The following CAND2 variants were observed in gnomAD, a reference collection of about 807,000 sequenced individuals.
CAND2 encodes the protein cullin-associated NEDD8-dissociated protein 2.
CAND2 carries 62 observed loss-of-function variants against 98.9 expected under a neutral mutation model. The ratio of observed to expected loss-of-function variants is 0.63; its 90% confidence interval spans 0.51 to 0.77. The LOEUF (loss-of-function observed/expected upper bound fraction) is 0.77, where lower values mean the gene tolerates loss of function less well. Ranked by LOEUF, CAND2 falls within the 30% of genes least tolerant of loss-of-function variation. The pLI, the probability that CAND2 is intolerant of heterozygous loss-of-function variation, is 0.00. For missense variants in CAND2, 1,501 were observed against 1,655.2 expected, an observed-to-expected ratio of 0.91 and a Z score of 1.62; for synonymous variants, 770 against 731.9, an observed-to-expected ratio of 1.05 and a Z score of -0.84.
chr3:12,822,287 C>T (rs2061962393), intron 11 of CAND2, among the ~76,000 whole-genome samples: 1 of 143,750 alleles, frequency 7.0e-6, no homozygotes, highest in South Asian at 2.1e-4. Flanking sequence ...TTTTTATTGA[C>T]ATGTTTCAAT....
chr3:12,816,798 G>C lies in CAND2; in HGVS notation c.1866G>C (p.Arg622=), dbSNP rs886544996. The C allele has an allele frequency of 1.5e-5, 25 of 1,613,652 alleles. No individual in the cohort carries two copies. Among genetic ancestry groups the C allele is most frequent in the Non-Finnish European group, 2.1e-5 (25 of 1,180,038 alleles). Residue 622 remains arginine, a synonymous_variant, in exon 10 of 15, where the codon CGG becomes CGC. Transcript: ENST00000456430. ...TACTGCTCCTCCTGGACCGCCTGCG[G>C]AATGAGATCACCCGGCTGCCCGCCA... is the stretch of plus-strand genomic sequence containing the variant. ...PTLLLLLDRL[R]NEITRLPAIK...
rs1272777257 is a variant in CAND2, at chr3:12,815,121, G to A, written c.1007-20G>A. 4 of 1,589,558 alleles carry A rather than the reference G, an allele frequency of 2.5e-6. No individual in the cohort carries two copies. Among genetic ancestry groups the A allele is most frequent in the Non-Finnish European group, 3.4e-6 (4 of 1,164,020 alleles). On this transcript the variant is annotated intron_variant, in intron 7 of 14. Transcript: ENST00000456430. The surrounding 1 kb of genome is among the most constrained non-coding windows in gnomAD (Gnocchi z 5.7). ...GTCCTGGGAGATGAGGGTTCCACGT[G>A]TGTCTTGTTCCTGCCCCAGAGAGTG... is the stretch of plus-strand genomic sequence containing the variant.
At chr3:12,822,600 C>G (rs922515168) in intron 11 of CAND2, among the ~76,000 whole-genome samples, 1 of 152,100 alleles carries the variant, frequency 6.6e-6, no homozygotes. Context: ...TGCCCAGCCT[C>G]CATCATTCTC....
At position 12,816,989 on chromosome 3, in the gene CAND2, GCCT is replaced by G. The variant is rs762697179; in HGVS notation, c.2060_2062del (p.Leu687del). 7.4e-6 allele frequency: 12 copies of G among 1,612,950 alleles called. No individual in the cohort carries two copies. Among genetic ancestry groups the G allele is most frequent in the Middle Eastern group, 1.6e-4 (1 of 6,078 alleles). ...GCCCTGGCCCAGAGCCAGGGCCTCA[GCCT>G]CCCACCGTCTGCCGTGCAGGCCGTG... On this transcript the variant is annotated inframe_deletion, in exon 10 of 15. Transcript: ENST00000456430.
At chr3:12,821,817 C>T (rs1270052504) in intron 11 of CAND2, among the ~76,000 whole-genome samples, 2 of 152,180 alleles carry the variant, frequency 1.3e-5, no homozygotes, top group African/African-American at 4.8e-5. Flanking sequence ...TGCATCACAT[C>T]AGGGGCACAT....
Position 12,831,565 on chromosome 3 carries a change from C to G in CAND2, c.3476C>G (p.Thr1159Ser), listed in dbSNP as rs778360311. The G allele has an allele frequency of 1.2e-6, 2 of 1,611,140 alleles. No homozygotes were observed. Among genetic ancestry groups the G allele is most frequent in the Non-Finnish European group, 1.7e-6 (2 of 1,178,150 alleles). ...RLIEPLRATCTAKVKAGSVKQ... is the reference protein window; with the variant it reads ...RLIEPLRATCSAKVKAGSVKQ... ...ATTGAGCCACTAAGGGCCACCTGCACTGCCAAGGTAAGTCCCTGGCCCAGC... is the reference window on the plus strand; with the variant it reads ...ATTGAGCCACTAAGGGCCACCTGCAGTGCCAAGGTAAGTCCCTGGCCCAGC... Residue 1159 changes from threonine (T) to serine (S), a missense_variant, in exon 14 of 15, where the codon ACT (threonine) becomes AGT (serine). Around this residue, in one of 3 missense-constraint regions of CAND2, gnomAD observed 1,427 missense variants for 1,545.3 expected, o/e 0.92. Coordinates refer to ENST00000456430, the MANE Select transcript of CAND2 (RefSeq NM_001162499.2).
chr3:12,820,091 C>T lies in CAND2; in HGVS notation c.2950C>T (p.Pro984Ser). The change falls in exon 11 of 15, where the codon CCA (proline) becomes TCA (serine). Residue 984 changes from proline (P) to serine (S), a missense_variant. Transcript: ENST00000456430. The part of the protein sequence containing the change: ...RLRKQLAAGR[P>S]HTRSTVITAV... ...CACCTCTTCTTGTCCTGCAGGTCGG[C>T]CACACACCCGGAGCACCGTCATCAC... 6.2e-7 allele frequency: 1 copy of T among 1,613,972 alleles called. No individual in the cohort carries two copies. The highest frequency in any genetic ancestry group is 8.5e-7 in the Non-Finnish European group (1 of 1,179,902).
intron 9 of CAND2, 74 bp downstream of exon 9, chr3:12,816,082 C>A: frequency 6.9e-7 from 1 of 1,452,064 alleles, no homozygotes; most frequent in Non-Finnish European, 9.5e-7. Flanking sequence ...CTGAGTTGAG[C>A]CCCCAGTTCC....
At position 12,808,297 on chromosome 3, in the gene CAND2, T is replaced by C; in HGVS notation, c.455T>C (p.Leu152Pro). The change falls in exon 4 of 15, where the codon CTG becomes CCG. Residue 152 changes from leucine (L) to proline (P), a missense_variant. By Grantham distance (98) the Leu-to-Pro change is moderately conservative (BLOSUM62 -3). This residue lies in a region of CAND2 where 1,427 missense variants were observed against 1,545.3 expected (regional missense o/e 0.92). Coordinates refer to ENST00000456430, the MANE Select transcript of CAND2 (RefSeq NM_001162499.2). ...IAQQEDVAVQ[L>P]EALDILSDML... ...CAGCAGGAGGATGTGGCTGTGCAGC[T>C]GGAAGCCCTGGACATCCTCTCTGAC... 1 of 1,551,474 alleles carries C rather than the reference T, an allele frequency of 6.4e-7. No individual in the cohort carries two copies. The highest frequency in any genetic ancestry group is 8.7e-7 in the Non-Finnish European group (1 of 1,146,942).
At chr3:12,819,924 A>C (rs1559555728) in intron 10 of CAND2, among the ~76,000 whole-genome samples, 162 bp from the exon 11 acceptor site, 2 of 152,112 alleles carry the variant, frequency 1.3e-5, no homozygotes, top group Non-Finnish European at 2.9e-5. Flanking sequence ...GGGAGATTCA[A>C]GGCTGCCAAG....
At chr3:12,796,994 C>T (rs2061730650) in intron 1 of CAND2, among the ~76,000 whole-genome samples, 1 of 151,972 alleles carries the variant, frequency 6.6e-6, no homozygotes, top group Non-Finnish European at 1.5e-5. Context: ...CCCTAGGGGC[C>T]GTCCTGCCCC....
chr3:12,822,656 T>C (rs2061966570), intron 11 of CAND2, among the ~76,000 whole-genome samples: 1 of 152,116 alleles, frequency 6.6e-6, no homozygotes, highest in African/African-American at 2.4e-5. Flanking sequence ...TCCAGATTCA[T>C]TGCGAACCTC....
rs1213508767 is a variant in CAND2 at position 12,816,931 on chromosome 3, G to T, written c.1999G>T (p.Ala667Ser). 6.2e-6 allele frequency: 10 copies of T among 1,613,690 alleles called. No individual in the cohort carries two copies. The highest frequency in any genetic ancestry group is 6.8e-6 in the Non-Finnish European group (8 of 1,179,972). ...LASFLRKNQR[A>S]LRLATLAALD... is the part of the protein sequence containing the mutation. ...CTCATTCCTGCGGAAGAACCAGCGGGCTTTGCGACTGGCCACACTGGCAGC... is the reference window on the plus strand; with the variant it reads ...CTCATTCCTGCGGAAGAACCAGCGGTCTTTGCGACTGGCCACACTGGCAGC... The change falls in exon 10 of 15, where the codon GCT becomes TCT. Residue 667 changes from alanine to serine, a missense_variant. Transcript: ENST00000456430.
intron 1 of CAND2, among the ~76,000 whole-genome samples, chr3:12,802,914 A>G (rs1483467654): frequency 6.6e-6 from 1 of 152,142 alleles, no homozygotes; most frequent in African/African-American, 2.4e-5. Context: ...GTGTCTAAAC[A>G]TAGAAAAGGT....
chr3:12,833,989 C>CAGCACCAAGGAGG lies in CAND2; in HGVS notation c.*17_*18insAGGAGCACCAAGG. ...CTCAATGGAGCTCAGCTAGTCCCCTCAGCACCAAGGTGGGCCCTCGCTTAA... is the reference window on the plus strand; with the variant it reads ...CTCAATGGAGCTCAGCTAGTCCCCTCAGCACCAAGGAGGAGCACCAAGGTGGGCCCTCGCTTAA... On this transcript the variant is annotated 3_prime_UTR_variant, in exon 15 of 15. Coordinates refer to ENST00000456430, the MANE Select transcript of CAND2 (RefSeq NM_001162499.2). 3.1e-6 allele frequency: 5 copies of CAGCACCAAGGAGG among 1,611,872 alleles called. No homozygotes were observed. The highest frequency in any genetic ancestry group is 4.2e-6 in the Non-Finnish European group (5 of 1,178,008).
chr3:12,829,117 G>A (rs1334188228), intron 13 of CAND2, among the ~76,000 whole-genome samples: 1 of 152,122 alleles, frequency 6.6e-6, no homozygotes, highest in African/African-American at 2.4e-5. Flanking sequence ...ATGTCTTAAG[G>A]AACTGCTATA....
rs779676513 is a variant in CAND2 at position 12,827,485 on chromosome 3, G to A, written c.3256G>A (p.Val1086Met). ...FKHTVDDGLD[V>M]RKAAFECMYS... ...ACATACAGTGGACGATGGGCTGGACGTGCGGAAGGCGGCCTTTGAATGCAT... is the reference window on the plus strand; with the variant it reads ...ACATACAGTGGACGATGGGCTGGACATGCGGAAGGCGGCCTTTGAATGCAT... The change falls in exon 13 of 15, where the codon GTG becomes ATG. Residue 1086 changes from valine to methionine, a missense_variant. This residue lies in a region of CAND2 where 1,427 missense variants were observed against 1,545.3 expected (regional missense o/e 0.92). Coordinates refer to ENST00000456430, the MANE Select transcript of CAND2 (RefSeq NM_001162499.2). 4.3e-5 allele frequency: 70 copies of A among 1,613,956 alleles called. 1 individual carries two copies. The highest frequency in any genetic ancestry group is 1.6e-4 in the Middle Eastern group (1 of 6,084).
chr3:12,824,465 G>A (rs1464577880), intron 11 of CAND2, among the ~76,000 whole-genome samples: 1 of 152,150 alleles, frequency 6.6e-6, no homozygotes, highest in African/African-American at 2.4e-5. Flanking sequence ...GGCTTAACAG[G>A]AGCTCCCTCC....
intron 11 of CAND2, 80 bp downstream of exon 11, chr3:12,820,261 A>T: frequency 9.1e-7 from 1 of 1,094,250 alleles, no homozygotes; most frequent in East Asian, 2.5e-5. Context: ...TTTACTACCC[A>T]ATAGCCAAGG....
Sources: allele counts gnomAD v4.1 joint callset (sites outside exome capture counted in the v4.1 genomes callset), GRCh38; gene constraint gnomAD v4.1.1; regional missense constraint gnomAD v4.1.1; non-coding constraint Gnocchi (gnomAD v3.1); transcripts MANE v1.5; gene names NCBI Gene and HGNC (gene_info 2026-07-23, HGNC 2026-07-21).